USP15: variants seen among roughly 807,000 people sequenced by gnomAD.
The protein encoded by USP15 is ubiquitin specific peptidase 15.
Under a neutral mutation model 127.1 loss-of-function variants are expected in USP15, and 18 were observed. The ratio of observed to expected loss-of-function variants is 0.14; its 90% CI spans 0.10 to 0.21. The LOEUF is 0.21. Ranked by LOEUF, USP15 falls within the 10% of genes least tolerant of loss-of-function variation. USP15 has a pLI of 1.00. For synonymous variants in USP15, 364 were observed against 393.7 expected, an observed-to-expected ratio of 0.92 and a Z score of 0.89; for missense variants, 805 against 1,159.9, an observed-to-expected ratio of 0.69 and a Z score of 4.44.
At chr12:62,296,861 C>T (rs996579241) in intron 2 of USP15, among the ~76,000 whole-genome samples, 3 of 152,184 alleles carry the variant, frequency 2.0e-5, no homozygotes, top group African/African-American at 7.2e-5. Context: ...AGATCACGTG[C>T]TTAATTTTCC....
rs1370223299 is a variant in USP15, at chr12:62,409,059, CTT to C, written c.*4689_*4690del. ...GTAAAAATTCAAATATTTATCAAGA[CTT>C]TTTTCTTCACTAATGATGGGGTAAA... On this transcript the variant is annotated 3_prime_UTR_variant, in exon 22 of 22. Coordinates refer to ENST00000280377, the MANE Select transcript of USP15 (RefSeq NM_001252078.2). The C allele has an allele frequency of 2.6e-5, 4 of 151,514 alleles. No individual in the cohort carries two copies. Among genetic ancestry groups the C allele is most frequent in the Admixed American group, 6.6e-5 (1 of 15,218 alleles). 9.4% of individuals were successfully genotyped at this position (151,514 alleles called of 1,614,324 possible).
intron 7 of USP15, among the ~76,000 whole-genome samples, chr12:62,351,053 TATA>T: frequency 6.6e-6 from 1 of 152,284 alleles, no homozygotes. Context: ...CATGTATTTT[TATA>T]ATGATTCTGA....
At chr12:62,401,395 A>G (rs1468385776) in intron 21 of USP15, 120 bp downstream of exon 21, 1 of 634,618 alleles carries the variant, frequency 1.6e-6, no homozygotes, top group Non-Finnish European at 2.6e-6. Context: ...TGAGTAGCTA[A>G]AAGACACTAA....
In USP15 at chr12:62,393,246, T is replaced by C. The variant is rs761815311; in HGVS notation, c.2570+44T>C. 12 of 1,580,954 alleles carry C rather than the reference T, an allele frequency of 7.6e-6. No homozygotes were observed. In the African/African-American group the frequency reaches 1.5e-4, roughly 20 times the overall value. On this transcript the variant is annotated intron_variant, in intron 19 of 21. Transcript: ENST00000280377. ...TTATAAGCATTGGGCAACTCTTCTT[T>C]CAAACTTATTTGATGCTTTTTGTTA...
chr12:62,311,342 TAGG>T (rs1486113791), intron 3 of USP15, among the ~76,000 whole-genome samples: 1 of 151,828 alleles, frequency 6.6e-6, no homozygotes, highest in Non-Finnish European at 1.5e-5. Flanking sequence ...GCTGAAGATG[TAGG>T]AGAAGGAGTA....
intron 8 of USP15, among the ~76,000 whole-genome samples, chr12:62,362,996 A>G (rs2066362499): frequency 6.6e-6 from 1 of 152,202 alleles, no homozygotes; most frequent in South Asian, 2.1e-4. Flanking sequence ...AGGAATCAGA[A>G]GTGTAGTTTG....
At chr12:62,355,163 TGA>T in intron 7 of USP15, 166 bp from the exon 8 acceptor site, 1 of 550,452 alleles carries the variant, frequency 1.8e-6, no homozygotes, top group Non-Finnish European at 3.0e-6. Context: ...TAATTCAGGG[TGA>T]GTTATTTTTT....
intron 11 of USP15, among the ~76,000 whole-genome samples, chr12:62,386,401 G>T (rs1347361250): frequency 6.6e-6 from 1 of 151,988 alleles, no homozygotes; most frequent in Non-Finnish European, 1.5e-5. Context: ...CAAGGTGCTA[G>T]AAATATAATG....
At chr12:62,365,818 C>T (rs576460818) in intron 8 of USP15, among the ~76,000 whole-genome samples, 3 of 152,190 alleles carry the variant, frequency 2.0e-5, no homozygotes, top group Admixed American at 6.5e-5. Context: ...GAATCCTTTC[C>T]CCGTTGCTTG....
At chr12:62,307,351 A>C (rs1436999018) in intron 3 of USP15, among the ~76,000 whole-genome samples, 1 of 152,222 alleles carries the variant, frequency 6.6e-6, no homozygotes, top group Non-Finnish European at 1.5e-5. Flanking sequence ...ACTGAGTTCC[A>C]GTCAAGGAAT....
chr12:62,325,643 T>C (rs2065103934), intron 5 of USP15, among the ~76,000 whole-genome samples: 2 of 152,220 alleles, frequency 1.3e-5, no homozygotes, highest in South Asian at 4.1e-4. Flanking sequence ...CAGTTTATCT[T>C]CTAGGATTCC....
rs112398497 is a variant in USP15 at position 62,293,278 on chromosome 12, T to C, written c.90-901T>C. On this transcript the variant is annotated intron_variant, in intron 1 of 21. Transcript: ENST00000280377. ...GGCCTCTCACTTCCTTCTTTTTCTA[T>C]GCCTAAATTTTTTCCTGTGATTTTT... 3.1e-3 allele frequency among the ~76,000 whole-genome samples: 473 copies of C among 152,278 alleles called. 1 individual carries two copies. The highest frequency in any genetic ancestry group is 9.9e-3 in the African/African-American group (411 of 41,562).
At chr12:62,300,066 G>A (rs2064261751) in intron 2 of USP15, among the ~76,000 whole-genome samples, 1 of 152,048 alleles carries the variant, frequency 6.6e-6, no homozygotes, top group East Asian at 1.9e-4. Context: ...CTTATCAGAT[G>A]TATGATTTGC....
Position 62,384,176 on chromosome 12 carries a change from T to C in USP15, c.1347T>C (p.Pro449=). 1 of 1,613,154 alleles carries C rather than the reference T, an allele frequency of 6.2e-7. No homozygotes were observed. The highest frequency in any genetic ancestry group is 8.5e-7 in the Non-Finnish European group (1 of 1,179,346). Residue 449 remains proline, a synonymous_variant, in exon 11 of 22, where the codon CCT becomes CCC. Coordinates refer to ENST00000280377, the MANE Select transcript of USP15 (RefSeq NM_001252078.2). ...HGLFKSTLVC[P]ECAKISVTFD... ...TTTTCAAATCAACTTTAGTTTGTCC[T>C]GAGTGTGCTAAGATTTCAGTAACAT... is the stretch of plus-strand genomic sequence containing the variant.
At chr12:62,379,522 G>A (rs2066926219) in intron 8 of USP15, among the ~76,000 whole-genome samples, 1 of 152,110 alleles carries the variant, frequency 6.6e-6, no homozygotes, top group Non-Finnish European at 1.5e-5. Context: ...CTCTTTCCAA[G>A]ATAAGAGTAT....
chr12:62,372,319 G>T (rs1381612568), intron 8 of USP15, among the ~76,000 whole-genome samples: 1 of 151,974 alleles, frequency 6.6e-6, no homozygotes, highest in Non-Finnish European at 1.5e-5. Context: ...GAATTGAGCT[G>T]GCATGTTAGT....
At chr12:62,267,886 A>G (rs1046841614) in intron 1 of USP15, among the ~76,000 whole-genome samples, 11 of 152,200 alleles carry the variant, frequency 7.2e-5, no homozygotes, top group South Asian at 2.1e-4. Context: ...GATTTCTGTT[A>G]TTTACCCATA....
At chr12:62,313,269 T>C (rs1432092513) in intron 3 of USP15, among the ~76,000 whole-genome samples, 1 of 151,684 alleles carries the variant, frequency 6.6e-6, no homozygotes, top group Non-Finnish European at 1.5e-5. Flanking sequence ...CAGGAAAATA[T>C]CTATAGTATT....
rs186893801 is a variant in USP15, at chr12:62,352,988, A to G, written c.771-2343A>G. ...TGATGACTAGCTTAAGATCTTTAGG[A>G]AATAATTAGTAGACATAGTCATGAA... On this transcript the variant is annotated intron_variant, in intron 7 of 21. Coordinates refer to ENST00000280377, the MANE Select transcript of USP15 (RefSeq NM_001252078.2). 5.9e-5 allele frequency among the ~76,000 whole-genome samples: 9 copies of G among 152,150 alleles called. No individual in the cohort carries two copies. In the East Asian group the frequency reaches 1.7e-3, roughly 29 times the overall value.
Sources: allele counts gnomAD v4.1 joint callset (sites outside exome capture counted in the v4.1 genomes callset), GRCh38; gene constraint gnomAD v4.1.1; transcripts MANE v1.5; gene names NCBI Gene and HGNC (gene_info 2026-07-23, HGNC 2026-07-21).